The following COMT variants were observed in gnomAD, a reference collection of about 807,000 sequenced individuals.
COMT encodes the protein catechol O-methyltransferase.
A neutral mutation model predicts 18.9 loss-of-function variants in COMT; 13 were observed. The ratio of observed to expected loss-of-function variants is 0.69; its 90% confidence interval spans 0.45 to 1.09. COMT has a LOEUF of 1.09. Among genes scored for constraint, COMT ranks in the 50% least tolerant of loss-of-function variants. The probability of loss-of-function intolerance (pLI) is 0.00; values close to 1 mark genes in which losing one functional copy is unlikely to be tolerated. For missense variants in COMT, 329 were observed against 361.8 expected, an observed-to-expected ratio of 0.91 and a Z score of 0.73; for synonymous variants, 150 against 160.9, an observed-to-expected ratio of 0.93 and a Z score of 0.51.
chr22:19,963,419 G>A (rs1942249010), intron 3 of COMT, 147 bp from the exon 4 acceptor site: 1 of 879,028 alleles, frequency 1.1e-6, no homozygotes, highest in Non-Finnish European at 1.8e-6. Flanking sequence ...CCTCCAGCGG[G>A]TAGGGAGGGT....
chr22:19,967,768 G>C (rs1005631971), intron 5 of COMT: 16 of 238,200 alleles, frequency 6.7e-5, no homozygotes, highest in Non-Finnish European at 8.4e-6. Flanking sequence ...CCCTTGCCCT[G>C]GTAGGTCCTT....
At chr22:19,946,208 C>G (rs991924357) in intron 1 of COMT, among the ~76,000 whole-genome samples, 1 of 151,978 alleles carries the variant, frequency 6.6e-6, no homozygotes, top group African/African-American at 2.4e-5. Flanking sequence ...CTGTCACGCC[C>G]AGGTGCAGTG....
chr22:19,948,581 G>C (rs1016742890), intron 1 of COMT, among the ~76,000 whole-genome samples: 9 of 152,162 alleles, frequency 5.9e-5, no homozygotes, highest in African/African-American at 2.2e-4. Flanking sequence ...GATCACTTGA[G>C]CCCAGGAGTT....
Position 19,943,765 on chromosome 22 carries a change from G to A in COMT, c.-92+1868G>A, listed in dbSNP as rs1173585347. Among the ~76,000 whole-genome samples, 20 of 152,342 alleles carry A rather than the reference G, an allele frequency of 1.3e-4. 1 individual carries two copies. The highest frequency in any genetic ancestry group is 1.2e-3 in the Admixed American group (18 of 15,304). ...AGGGCAGCAGTTGAGGTTTCTGGCC[G>A]TTGGGCCCTAACAAGGCCAGCAGGG... On this transcript the variant is annotated intron_variant, in intron 1 of 5. Transcript: ENST00000361682.
intron 1 of COMT, chr22:19,951,187 A>T (rs174686): frequency 0.69 from 104,992 of 151,936 alleles, 37,762 homozygotes; most frequent in African/African-American, 0.91. Flanking sequence ...GTGAAACCCC[A>T]TCTCTACTAA....
chr22:19,948,433 C>T (rs174683), intron 1 of COMT, among the ~76,000 whole-genome samples: 141,570 of 152,206 alleles, frequency 0.93, 66,281 homozygotes, highest in African/African-American at 0.99. Flanking sequence ...GGAGGGAGGA[C>T]TCCTTGAGCC....
In COMT at chr22:19,963,925, C is replaced by T. The variant is rs1942269325; in HGVS notation, c.483+166C>T. On this transcript the variant is annotated intron_variant, in intron 4 of 5. Coordinates refer to ENST00000361682, the MANE Select transcript of COMT (RefSeq NM_000754.4). ...CAGCCTGGGGCTGAGGAAAGACCCC[C>T]CCAGCAGCTCAGTGAGGGTCTCACA... is the stretch of plus-strand genomic sequence containing the variant. 8.6e-6 allele frequency: 10 copies of T among 1,168,798 alleles called. No homozygotes were observed. The Middle Eastern group carries it at 5.8e-4, about 67-fold the overall frequency. 72.4% of individuals were successfully genotyped at this position (1,168,798 alleles called of 1,614,324 possible).
At chr22:19,964,628 T>C (rs1057259212) in intron 5 of COMT, 5 of 596,160 alleles carry the variant, frequency 8.4e-6, no homozygotes, top group South Asian at 6.0e-5. Flanking sequence ...ACCAAGGAGA[T>C]GGGGTGGGGA....
intron 1 of COMT, among the ~76,000 whole-genome samples, chr22:19,956,111 T>C (rs1486595699): frequency 1.7e-5 from 2 of 117,318 alleles, no homozygotes; most frequent in Non-Finnish European, 3.8e-5. Context: ...TTTCTAGTTA[T>C]CTTTCTTTCT....
chr22:19,961,278 G>A lies in COMT; in HGVS notation c.-12G>A, dbSNP rs1012528921. Reference sequence around the variant, plus strand: ...GCCAGAGGGCTGGAGCCTGCTCAGAGGTGCTTTGAAGGTGAGTTGGCCAAC... The same window carrying A: ...GCCAGAGGGCTGGAGCCTGCTCAGAAGTGCTTTGAAGGTGAGTTGGCCAAC... On this transcript the variant is annotated 5_prime_UTR_variant, in exon 2 of 6. Coordinates refer to ENST00000361682, the MANE Select transcript of COMT (RefSeq NM_000754.4). The A allele has an allele frequency of 5.2e-5, 8 of 152,612 alleles. No individual in the cohort carries two copies. Among genetic ancestry groups the A allele is most frequent in the Admixed American group, 1.3e-4 (2 of 15,314 alleles). 9.5% of individuals were successfully genotyped at this position (152,612 alleles called of 1,614,324 possible).
At chr22:19,951,422 A>G (rs1941936002) in intron 1 of COMT, 2 of 151,944 alleles carry the variant, frequency 1.3e-5, no homozygotes, top group Admixed American at 1.3e-4. Flanking sequence ...GAATCATAAA[A>G]TCATTAGAAG....
chr22:19,944,517 C>A (rs1033414465), intron 1 of COMT, among the ~76,000 whole-genome samples: 5 of 132,694 alleles, frequency 3.8e-5, no homozygotes, highest in African/African-American at 1.5e-4. Flanking sequence ...GCAACAAGAG[C>A]GAAACTCCAT....
At chr22:19,944,925 A>T (rs1178430606) in intron 1 of COMT, among the ~76,000 whole-genome samples, 1 of 152,228 alleles carries the variant, frequency 6.6e-6, no homozygotes, top group Non-Finnish European at 1.5e-5. Flanking sequence ...GAAGCATAGC[A>T]TTTCTCTTTA....
At position 19,968,575 on chromosome 22, in the gene COMT, G is replaced by T; in HGVS notation, c.655G>T (p.Asp219Tyr). The T allele has an allele frequency of 6.2e-7, 1 of 1,614,092 alleles. No homozygotes were observed. The highest frequency in any genetic ancestry group is 1.1e-5 in the South Asian group (1 of 91,084). The change falls in exon 6 of 6, where the codon GAC (aspartate) becomes TAC (tyrosine). Residue 219 changes from aspartate (D) to tyrosine (Y), a missense_variant. Physicochemically the swap from Asp to Tyr is radical, Grantham distance 160. Transcript: ENST00000361682. The stretch of plus-strand genomic sequence containing the variant: ...GCGGAAGGGGACAGTGCTACTGGCT[G>T]ACAACGTGATCTGCCCAGGTGCGCC... ...LLRKGTVLLA[D>Y]NVICPGAPDF...
chr22:19,948,133 A>G (rs1162050495), intron 1 of COMT, among the ~76,000 whole-genome samples: 1 of 152,214 alleles, frequency 6.6e-6, no homozygotes, highest in Non-Finnish European at 1.5e-5. Context: ...AATCATATCT[A>G]TGATCTATAT....
intron 5 of COMT, among the ~76,000 whole-genome samples, chr22:19,966,161 T>C (rs9332369): frequency 6.6e-6 from 1 of 152,200 alleles, no homozygotes; most frequent in African/African-American, 2.4e-5. Flanking sequence ...TGGGAAGTCA[T>C]GAATTGGGAA....
chr22:19,963,516 C>T (rs1362478944), intron 3 of COMT, 50 bp from the exon 4 acceptor site: 3 of 1,597,794 alleles, frequency 1.9e-6, no homozygotes, highest in African/African-American at 1.3e-5. Context: ...GATCCAAGTT[C>T]CCCTCTCTCC....
chr22:19,955,861 C>A (rs1046785218), intron 1 of COMT, among the ~76,000 whole-genome samples: 3 of 152,190 alleles, frequency 2.0e-5, no homozygotes, highest in Non-Finnish European at 4.4e-5. Flanking sequence ...CTGTGGAGAA[C>A]GGAGGATGCA....
At position 19,968,511 on chromosome 22, in the gene COMT, C is replaced by G. The variant is rs1942552199; in HGVS notation, c.616-25C>G. On this transcript the variant is annotated intron_variant, in intron 5 of 5. Transcript: ENST00000361682. ...CTCTGGGCACCTCTGACCCTCACCT[C>G]CCCCACCCCCCGGTCTGTTTGCAGG... 1.9e-6 allele frequency: 3 copies of G among 1,608,760 alleles called. No individual in the cohort carries two copies. In the Admixed American group the frequency reaches 5.0e-5, roughly 27 times the overall value.
Sources: gnomAD v4.1 joint callset for allele counts (sites outside exome capture counted in the v4.1 genomes callset) on GRCh38, gnomAD v4.1.1 for gene constraint, MANE v1.5 for transcripts, NCBI Gene and HGNC (gene_info 2026-07-23, HGNC 2026-07-21) for gene names.